Variants in RECK observed in about 807,000 individuals in gnomAD.
The protein encoded by RECK is reversion-inducing cysteine-rich protein with Kazal motifs.
In RECK, 69 loss-of-function variants were observed where a neutral mutation model predicts 115.1. The ratio of observed to expected loss-of-function variants is 0.60; its 90% confidence interval spans 0.49 to 0.73. The LOEUF is 0.73. Among genes scored for constraint, RECK ranks in the 30% least tolerant of loss-of-function variants. The pLI, the probability that RECK is intolerant of heterozygous loss-of-function variation, is 0.00. For missense variants in RECK, 1,047 were observed against 1,203.7 expected (o/e 0.87, Z 1.93); for synonymous variants, 414 against 419.7 (o/e 0.99, Z 0.17).
Position 36,036,985 on chromosome 9 carries a change from C to A in RECK, c.-14C>A. 1 of 1,416,380 alleles carries A rather than the reference C, an allele frequency of 7.1e-7. No homozygotes were observed. Among genetic ancestry groups the A allele is most frequent in the Non-Finnish European group, 9.2e-7 (1 of 1,083,132 alleles). 87.7% of individuals were successfully genotyped at this position (1,416,380 alleles called of 1,614,324 possible). A position where few individuals can be genotyped will look rare whatever the true frequency, so the allele number is the denominator to read the frequency against. ...TCCGAGCATCCCGCGGCTCTGGAGC[C>A]GCCCGGCCCGGACATGGCGACCGTC... On this transcript the variant is annotated 5_prime_UTR_variant, in exon 1 of 21. Coordinates refer to ENST00000377966, the MANE Select transcript of RECK (RefSeq NM_021111.3).
chr9:36,106,972 G>A (rs1021545607), intron 13 of RECK, among the ~76,000 whole-genome samples: 2 of 151,848 alleles, frequency 1.3e-5, no homozygotes, highest in African/African-American at 2.4e-5. Context: ...CGGGCATGGT[G>A]GTGGGCACCT....
chr9:36,057,301 A>C (rs1821567517), intron 2 of RECK, among the ~76,000 whole-genome samples: 1 of 152,212 alleles, frequency 6.6e-6, no homozygotes, highest in African/African-American at 2.4e-5. Context: ...AAAAGTAATT[A>C]AGAACAGTTT....
rs746852701 is a variant in RECK at position 36,117,044 on chromosome 9, A to G, written c.2120A>G (p.Tyr707Cys). ...TTTGATAAATTTGGATGTAGCCAGT[A>G]TGAGTGTGTACCAAGACAGCTCGCG... ...TTFDKFGCSQ[Y>C]ECVPRQLACD... is the part of the protein sequence containing the mutation. The change falls in exon 17 of 21, where the codon TAT (tyrosine) becomes TGT (cysteine). Residue 707 changes from tyrosine (Y) to cysteine (C), a missense_variant. Transcript: ENST00000377966. 1.4e-5 allele frequency: 22 copies of G among 1,614,104 alleles called. No individual in the cohort carries two copies. The highest frequency in any genetic ancestry group is 1.8e-5 in the Non-Finnish European group (21 of 1,179,966).
At chr9:36,055,865 G>A (rs1475251451) in intron 2 of RECK, among the ~76,000 whole-genome samples, 2 of 152,168 alleles carry the variant, frequency 1.3e-5, no homozygotes, top group Non-Finnish European at 2.9e-5. Context: ...GAAGAAATGA[G>A]TGAGAGAGCA....
At chr9:36,064,165 T>A (rs1224796775) in intron 5 of RECK, among the ~76,000 whole-genome samples, 1 of 152,236 alleles carries the variant, frequency 6.6e-6, no homozygotes, top group African/African-American at 2.4e-5. Flanking sequence ...TTGCCTGCAA[T>A]CATGCTGAAT....
intron 2 of RECK, chr9:36,056,882 T>C: frequency 6.0e-6 from 4 of 670,866 alleles, no homozygotes; most frequent in Non-Finnish European, 7.4e-6. Context: ...ATAGTGATAT[T>C]CTATCTCTTT....
intron 7 of RECK, 30 bp from the exon 8 acceptor site, chr9:36,083,335 T>A: frequency 6.2e-7 from 1 of 1,607,270 alleles, no homozygotes; most frequent in Middle Eastern, 1.7e-4. Context: ...GCTGTTTCCA[T>A]GTCAGTGCCT....
At chr9:36,039,479 T>C (rs1191097800) in intron 1 of RECK, among the ~76,000 whole-genome samples, 1 of 152,230 alleles carries the variant, frequency 6.6e-6, no homozygotes, top group African/African-American at 2.4e-5. Context: ...TGACCCCCTC[T>C]ATTATACAAC....
intron 1 of RECK, among the ~76,000 whole-genome samples, chr9:36,040,506 C>CA (rs1234676328): frequency 6.6e-6 from 1 of 151,758 alleles, no homozygotes; most frequent in African/African-American, 2.4e-5. Flanking sequence ...CAGAGCATTG[C>CA]AAAAAACCAC....
chr9:36,044,949 C>T (rs901003758), intron 1 of RECK, among the ~76,000 whole-genome samples: 3 of 152,058 alleles, frequency 2.0e-5, no homozygotes, highest in Non-Finnish European at 2.9e-5. Flanking sequence ...CATGAAAGGT[C>T]TGTTAAAAAA....
intron 6 of RECK, among the ~76,000 whole-genome samples, chr9:36,074,046 A>AT (rs1822348686): frequency 6.6e-6 from 1 of 152,184 alleles, no homozygotes; most frequent in South Asian, 2.1e-4. Flanking sequence ...CCACAAAAAA[A>AT]GCTGGTTCCA....
chr9:36,096,754 G>A (rs1823356540), intron 10 of RECK, among the ~76,000 whole-genome samples: 1 of 151,948 alleles, frequency 6.6e-6, no homozygotes, highest in South Asian at 2.1e-4. Flanking sequence ...ACTTTGTGTG[G>A]GCAAAGATTT....
intron 6 of RECK, among the ~76,000 whole-genome samples, chr9:36,068,166 G>A (rs900263411): frequency 1.3e-5 from 2 of 152,158 alleles, no homozygotes; most frequent in African/African-American, 4.8e-5. Flanking sequence ...TCATAATCCT[G>A]TGCAGGCTAA....
intron 1 of RECK, among the ~76,000 whole-genome samples, chr9:36,044,519 G>A (rs893020385): frequency 2.6e-5 from 4 of 151,960 alleles, no homozygotes; most frequent in African/African-American, 9.7e-5. Context: ...TTCTTTATTA[G>A]TCAGTGAATC....
intron 10 of RECK, among the ~76,000 whole-genome samples, chr9:36,098,319 C>A (rs556591477): frequency 6.6e-5 from 10 of 152,112 alleles, no homozygotes; most frequent in Non-Finnish European, 1.3e-4. Flanking sequence ...TTACGTTGCA[C>A]ACAATAAATA....
Position 36,045,325 on chromosome 9 carries a change from T to C in RECK, c.101-6940T>C, listed in dbSNP as rs116250548. Among the ~76,000 whole-genome samples, 1,110 of 152,324 alleles carry C rather than the reference T, an allele frequency of 7.3e-3. 12 individuals are homozygous for C. Among genetic ancestry groups the C allele is most frequent in the African/African-American group, 0.024 (989 of 41,564 alleles). On this transcript the variant is annotated intron_variant, in intron 1 of 20. Transcript: ENST00000377966. ...TCTCATTTAAATGTTTTTTAAGTGA[T>C]TGTCATTTTCCAAGTTGTTTTGAAA...
At chr9:36,058,095 C>T (rs62543607) in intron 2 of RECK, among the ~76,000 whole-genome samples, 13,664 of 149,712 alleles carry the variant, frequency 0.091, 859 homozygotes, top group Admixed American at 0.17. Context: ...GTCAGTGTGG[C>T]GATTCCTCAG....
chr9:36,073,945 G>T (rs1822344024), intron 6 of RECK, among the ~76,000 whole-genome samples: 1 of 152,114 alleles, frequency 6.6e-6, no homozygotes, highest in Non-Finnish European at 1.5e-5. Context: ...TTGCAAGCCA[G>T]CTTGTAACTT....
chr9:36,115,252 T>C (rs1824215149), intron 16 of RECK, among the ~76,000 whole-genome samples: 1 of 151,272 alleles, frequency 6.6e-6, no homozygotes, highest in Non-Finnish European at 1.5e-5. Flanking sequence ...GAAGCAGAGG[T>C]TGCAGTAAGC....
Sources: gnomAD v4.1 joint callset for allele counts (sites outside exome capture counted in the v4.1 genomes callset) on GRCh38, gnomAD v4.1.1 for gene constraint, MANE v1.5 for transcripts, NCBI Gene and HGNC (gene_info 2026-07-23, HGNC 2026-07-21) for gene names.